Variants in SDK1 observed in about 807,000 individuals in gnomAD.
SDK1 encodes the protein protein sidekick-1.
Under a neutral mutation model 245.5 loss-of-function variants are expected in SDK1, and 157 were observed. That is an observed-to-expected ratio of 0.64 (90% CI 0.56 to 0.73). The LOEUF (loss-of-function observed/expected upper bound fraction) is 0.73, where lower values mean the gene tolerates loss of function less well. Ranked by LOEUF, SDK1 falls within the 30% of genes least tolerant of loss-of-function variation. The probability of loss-of-function intolerance (pLI) is 0.00; values close to 1 mark genes in which losing one functional copy is unlikely to be tolerated. For synonymous variants in SDK1, 1,647 were observed against 1,278.5 expected (o/e 1.29, Z -6.15); for missense variants, 3,583 against 3,002.3 (o/e 1.19, Z -4.52).
At chr7:3,318,730 C>T (rs1465420641) in intron 1 of SDK1, among the ~76,000 whole-genome samples, 1 of 152,116 alleles carries the variant, frequency 6.6e-6, no homozygotes, top group African/African-American at 2.4e-5. Context: ...AATATATTGA[C>T]CTAGCATAGC....
intron 1 of SDK1, among the ~76,000 whole-genome samples, chr7:3,497,200 A>T (rs1782051441): frequency 6.6e-6 from 1 of 152,144 alleles, no homozygotes. Context: ...GGCTGTTACC[A>T]CTCAGCGAAG....
chr7:3,466,983 C>CT (rs765654582), intron 1 of SDK1, among the ~76,000 whole-genome samples: 1,910 of 60,376 alleles, frequency 0.032, 23 homozygotes, highest in African/African-American at 0.045. Flanking sequence ...TCTCTCTACA[C>CT]ACACACACAC....
In SDK1 at chr7:4,011,076, G is replaced by T; in HGVS notation, c.2242G>T (p.Glu748Ter). ...TCAATTCCGGGTGTGCGCGGTGAAT[G>T]AAGTGGGCAGGGGCCAGTACAGCGC... ...TYQFRVCAVN[E>*]VGRGQYSAET... The change falls in exon 15 of 45, where the codon GAA becomes TAA. Residue 748 changes from glutamate to a stop codon, truncating the protein, a stop_gained. Coordinates refer to ENST00000404826, the MANE Select transcript of SDK1 (RefSeq NM_152744.4). LOFTEE classifies it high-confidence loss of function. 1.9e-6 allele frequency: 3 copies of T among 1,614,138 alleles called. No individual in the cohort carries two copies. The highest frequency in any genetic ancestry group is 2.5e-6 in the Non-Finnish European group (3 of 1,180,044).
intron 1 of SDK1, among the ~76,000 whole-genome samples, chr7:3,444,723 G>A (rs775758123): frequency 1.5e-4 from 23 of 152,156 alleles, no homozygotes; most frequent in Admixed American, 1.2e-3. Flanking sequence ...CAGTAGGCCA[G>A]TCCCCAGCTA....
rs953385750 is a variant in SDK1, at chr7:3,739,621, T to C, written c.714-81829T>C. Among the ~76,000 whole-genome samples, 9 of 152,230 alleles carry C rather than the reference T, an allele frequency of 5.9e-5. No individual in the cohort carries two copies. The South Asian group carries it at 1.0e-3, about 17-fold the overall frequency. On this transcript the variant is annotated intron_variant, in intron 4 of 44. Transcript: ENST00000404826. ...TACCTTTTAACCAAAATTAATACTTTTAAAATAATTTTCATCTTTTAATAT... is the reference window on the plus strand; with the variant it reads ...TACCTTTTAACCAAAATTAATACTTCTAAAATAATTTTCATCTTTTAATAT...
intron 25 of SDK1, among the ~76,000 whole-genome samples, chr7:4,125,014 A>G (rs1192205332): frequency 6.7e-6 from 1 of 149,756 alleles, no homozygotes; most frequent in Non-Finnish European, 1.5e-5. Context: ...GAATGGATGG[A>G]TGGGTAAATG....
chr7:3,369,537 T>C (rs1293238549), intron 1 of SDK1, among the ~76,000 whole-genome samples: 3 of 152,132 alleles, frequency 2.0e-5, no homozygotes, highest in African/African-American at 7.2e-5. Context: ...GAAAAAGTAA[T>C]AAAAAGTACC....
intron 5 of SDK1, among the ~76,000 whole-genome samples, chr7:3,910,778 A>C (rs1207958551): frequency 6.6e-6 from 1 of 152,186 alleles, no homozygotes; most frequent in Non-Finnish European, 1.5e-5. Flanking sequence ...ATGGCTGATG[A>C]TTCCTCTCCT....
chr7:3,929,448 A>C (rs1340487363), intron 5 of SDK1, among the ~76,000 whole-genome samples: 2 of 152,202 alleles, frequency 1.3e-5, no homozygotes, highest in Non-Finnish European at 1.5e-5. Context: ...CAACAATCAG[A>C]AAAGCATTCC....
Position 3,745,018 on chromosome 7 carries a change from G to T in SDK1, c.714-76432G>T, listed in dbSNP as rs144266893. On this transcript the variant is annotated intron_variant, in intron 4 of 44. Coordinates refer to ENST00000404826, the MANE Select transcript of SDK1 (RefSeq NM_152744.4). ...AAAGTAGCAGGTATCAGATTAAACC[G>T]GCCTCCATGTGATGATCATCTGTTA... Among the ~76,000 whole-genome samples the T allele has an allele frequency of 2.8e-3, 428 of 152,100 alleles. 1 individual carries two copies. Among genetic ancestry groups the T allele is most frequent in the Admixed American group, 0.016 (243 of 15,282 alleles).
intron 35 of SDK1, among the ~76,000 whole-genome samples, chr7:4,195,648 G>A (rs925299865): frequency 6.6e-6 from 1 of 152,190 alleles, no homozygotes; most frequent in Non-Finnish European, 1.5e-5. Context: ...TTAGAAGCCA[G>A]AATGCCCAGG....
intron 28 of SDK1, among the ~76,000 whole-genome samples, chr7:4,135,744 C>T (rs1274367922): frequency 2.6e-5 from 4 of 152,214 alleles, no homozygotes; most frequent in Non-Finnish European, 5.9e-5. Context: ...TAGAACAGTG[C>T]CTGCCACATA....
chr7:3,320,962 T>C (rs542775759), intron 1 of SDK1, among the ~76,000 whole-genome samples: 60 of 152,154 alleles, frequency 3.9e-4, no homozygotes, highest in African/African-American at 1.3e-3. Flanking sequence ...AAAAATTGAA[T>C]GTTGCCTGTA....
intron 11 of SDK1, among the ~76,000 whole-genome samples, chr7:3,970,470 A>G (rs1236264206): frequency 6.6e-6 from 1 of 152,216 alleles, no homozygotes; most frequent in East Asian, 1.9e-4. Context: ...CTGTATCCCT[A>G]AATAGTAACC....
chr7:3,558,764 G>T (rs1435217909), intron 1 of SDK1, among the ~76,000 whole-genome samples: 1 of 152,208 alleles, frequency 6.6e-6, no homozygotes, highest in Non-Finnish European at 1.5e-5. Context: ...TAATTGTTCA[G>T]TTTTTTAATT....
chr7:3,665,007 C>T (rs371081024), intron 4 of SDK1, among the ~76,000 whole-genome samples: 3 of 152,292 alleles, frequency 2.0e-5, no homozygotes, highest in East Asian at 1.9e-4. Context: ...TTTGAGTAGG[C>T]TCTTCTGAAT....
chr7:3,681,696 C>G (rs1179351491), intron 4 of SDK1, among the ~76,000 whole-genome samples: 1 of 151,982 alleles, frequency 6.6e-6, no homozygotes, highest in African/African-American at 2.4e-5. Context: ...GTATCTAGAA[C>G]AGAACATGGG....
intron 25 of SDK1, among the ~76,000 whole-genome samples, chr7:4,116,123 G>T (rs1783691120): frequency 6.6e-6 from 1 of 152,252 alleles, no homozygotes; most frequent in South Asian, 2.1e-4. Flanking sequence ...AAGATGAAGA[G>T]GGAAACATAG....
chr7:3,673,029 A>G (rs1299920271), intron 4 of SDK1, among the ~76,000 whole-genome samples: 1 of 151,482 alleles, frequency 6.6e-6, no homozygotes, highest in Non-Finnish European at 1.5e-5. Flanking sequence ...TCTTTTAGCT[A>G]TGAAGCAGCT....
Sources: gnomAD v4.1 joint callset for allele counts (sites outside exome capture counted in the v4.1 genomes callset) on GRCh38, gnomAD v4.1.1 for gene constraint, MANE v1.5 for transcripts, NCBI Gene and HGNC (gene_info 2026-07-23, HGNC 2026-07-21) for gene names.